The following EDC4 variants were observed in gnomAD, a reference collection of about 807,000 sequenced individuals.
EDC4 encodes the protein enhancer of mRNA decapping 4.
In EDC4, 64 loss-of-function variants were observed where a neutral mutation model predicts 155.8. The observed-to-expected ratio is 0.41, with a 90% confidence interval of 0.34 to 0.51. EDC4 has a LOEUF of 0.51. Ranked by LOEUF, EDC4 falls within the 20% of genes least tolerant of loss-of-function variation. The pLI, the probability that EDC4 is intolerant of heterozygous loss-of-function variation, is 0.19. For synonymous variants in EDC4, 684 were observed against 716.8 expected (o/e 0.95, Z 0.73); for missense variants, 1,303 against 1,812.5 (o/e 0.72, Z 5.10).
chr16:67,882,510 A>G lies in EDC4; in HGVS notation c.3358A>G (p.Ser1120Gly). Residue 1120 changes from serine (S) to glycine (G), a missense_variant, in exon 25 of 29, where the codon AGT becomes GGT. Physicochemically the swap from Ser to Gly is moderately conservative, Grantham distance 56. Coordinates refer to ENST00000358933, the MANE Select transcript of EDC4 (RefSeq NM_014329.5). This position sits in a 1 kb window ranked among gnomAD's most constrained non-coding sequence, Gnocchi z 7.2. ...GGCTGCCTACCGGGAAGCCTTCCAGAGTGTGGTGCTGCCGGCCTTTGAGAA... is the reference window on the plus strand; with the variant it reads ...GGCTGCCTACCGGGAAGCCTTCCAGGGTGTGGTGCTGCCGGCCTTTGAGAA... Reference protein sequence around the residue: ...MQAAYREAFQSVVLPAFEKSC... With the variant: ...MQAAYREAFQGVVLPAFEKSC... 8 of 1,614,186 alleles carry G rather than the reference A, an allele frequency of 5.0e-6. No individual in the cohort carries two copies. The highest frequency in any genetic ancestry group is 6.8e-6 in the Non-Finnish European group (8 of 1,180,036).
rs761091787 is a variant in EDC4 at position 67,880,859 on chromosome 16, G to A, written c.2400G>A (p.Gly800=). The change falls in exon 18 of 29, where the codon GGG becomes GGA. Residue 800 remains glycine, a synonymous_variant. Coordinates refer to ENST00000358933, the MANE Select transcript of EDC4 (RefSeq NM_014329.5). This position sits in a 1 kb window ranked among gnomAD's most constrained non-coding sequence, Gnocchi z 5.2. ...AGCTCGGGCTTGATGGAGGCCCTGG[G>A]GATGGAGATCGGCATAATACCCCCT... ...GPQLGLDGGP[G]DGDRHNTPSL... 3 of 1,613,924 alleles carry A rather than the reference G, an allele frequency of 1.9e-6. No individual in the cohort carries two copies. Among genetic ancestry groups the A allele is most frequent in the Admixed American group, 3.3e-5 (2 of 60,024 alleles).
rs2058042437 is a variant in EDC4, at chr16:67,876,582, G to A, written c.334G>A (p.Ala112Thr). Residue 112 changes from alanine (A) to threonine (T), a missense_variant, in exon 3 of 29, where the codon GCC becomes ACC. Ala to Thr is a moderately conservative substitution (Grantham distance 58). This residue lies in a region of EDC4 where 51 missense variants were observed against 121.1 expected (regional missense o/e 0.42). Coordinates refer to ENST00000358933, the MANE Select transcript of EDC4 (RefSeq NM_014329.5). The surrounding 1 kb of genome is among the most constrained non-coding windows in gnomAD (Gnocchi z 5.8). ...ASSDSSISSK[A>T]RGSNKVKIQP... ...CAGTGACTCTAGCATTTCAAGCAAG[G>A]CCCGGGGAAGCAACAAGGTAGGTAC... 1 of 1,614,086 alleles carries A rather than the reference G, an allele frequency of 6.2e-7. No individual in the cohort carries two copies. The highest frequency in any genetic ancestry group is 1.1e-5 in the South Asian group (1 of 91,072).
chr16:67,875,559 G>T (rs2058038093), intron 1 of EDC4: 1 of 192,176 alleles, frequency 5.2e-6, no homozygotes, highest in Non-Finnish European at 9.5e-6. Flanking sequence ...TGCCTCTGTA[G>T]CTTTGTTTTC....
Position 67,873,283 on chromosome 16 carries a change from G to A in EDC4, c.22G>A (p.Asp8Asn). 6.8e-7 allele frequency: 1 copy of A among 1,473,224 alleles called. No individual in the cohort carries two copies. Among genetic ancestry groups the A allele is most frequent in the South Asian group, 1.3e-5 (1 of 77,440 alleles). 91.3% of individuals were successfully genotyped at this position (1,473,224 alleles called of 1,614,324 possible). ...GCCCATGGCCTCCTGCGCGAGCATC[G>A]ACATCGAGGACGCCACGCAGCACCT... The part of the protein sequence containing the change: MASCASI[D>N]IEDATQHLRD... Residue 8 changes from aspartate to asparagine, a missense_variant, in exon 1 of 29, where the codon GAC becomes AAC. Coordinates refer to ENST00000358933, the MANE Select transcript of EDC4 (RefSeq NM_014329.5).
Position 67,884,195 on chromosome 16 carries a change from C to T in EDC4, c.*47C>T, listed in dbSNP as rs769761148. The T allele has an allele frequency of 9.2e-6, 14 of 1,523,664 alleles. No homozygotes were observed. Among genetic ancestry groups the T allele is most frequent in the South Asian group, 4.9e-5 (4 of 80,848 alleles). 94.4% of individuals were successfully genotyped at this position (1,523,664 alleles called of 1,614,324 possible). On this transcript the variant is annotated 3_prime_UTR_variant, in exon 29 of 29. Transcript: ENST00000358933. The surrounding 1 kb of genome is among the most constrained non-coding windows in gnomAD (Gnocchi z 4.1). ...GGGGTGGGATGGCACTGAAGGCCAG[C>T]AGACAGGCCTAGGCTGGGGCAGGGT...
rs199992717 is a variant in EDC4 at position 67,880,739 on chromosome 16, A to C, written c.2280A>C (p.Ala760=). ...TGTCCCGTGGTTTTGGCTCCTCTGC[A>C]CCAGAGGGCCTTGAGCCAGACAGTA... The part of the protein sequence containing the change: ...EALSRGFGSS[A]PEGLEPDSMA... Residue 760 remains alanine (A), a synonymous_variant, in exon 18 of 29, where the codon GCA becomes GCC. Transcript: ENST00000358933. This position sits in a 1 kb window ranked among gnomAD's most constrained non-coding sequence, Gnocchi z 5.2. 7.0e-5 allele frequency: 113 copies of C among 1,614,004 alleles called. No individual in the cohort carries two copies. Among genetic ancestry groups the C allele is most frequent in the African/African-American group, 1.3e-5 (1 of 74,914 alleles).
rs1381658953 is a variant in EDC4 at position 67,882,873 on chromosome 16, G to C, written c.3629+8G>C. ...GCATGTGGCTGTGGGCAGGTGTGTG[G>C]GCAGAGTACTGGGCAAGGTGGTGGG... On this transcript the variant is annotated splice_region_variant and intron_variant, in intron 26 of 28. Coordinates refer to ENST00000358933, the MANE Select transcript of EDC4 (RefSeq NM_014329.5). The surrounding 1 kb of genome is among the most constrained non-coding windows in gnomAD (Gnocchi z 7.2). The C allele has an allele frequency of 6.2e-7, 1 of 1,614,032 alleles. No homozygotes were observed. The highest frequency in any genetic ancestry group is 1.1e-5 in the South Asian group (1 of 91,092).
In EDC4 at chr16:67,883,545, A is replaced by G. The variant is rs761567162; in HGVS notation, c.3850-23A>G. 1.6e-5 allele frequency: 25 copies of G among 1,610,972 alleles called. No individual in the cohort carries two copies. In the South Asian group the frequency reaches 2.5e-4, roughly 16 times the overall value. ...TTCCATCCTGATATTTGCTATAAAC[A>G]CTGCTGCTTTTTTCTCCTCCAGGCG... is the stretch of plus-strand genomic sequence containing the variant. On this transcript the variant is annotated intron_variant, in intron 27 of 28. Coordinates refer to ENST00000358933, the MANE Select transcript of EDC4 (RefSeq NM_014329.5). The surrounding 1 kb of genome is among the most constrained non-coding windows in gnomAD (Gnocchi z 5.3).
chr16:67,883,443 C>G lies in EDC4; in HGVS notation c.3850-125C>G, dbSNP rs2058079514. ...AACTACACAGCCCTACAGGCTCTCT[C>G]TGAGTCCCTCTGGAGCTCTCACTAG... On this transcript the variant is annotated intron_variant, in intron 27 of 28. Coordinates refer to ENST00000358933, the MANE Select transcript of EDC4 (RefSeq NM_014329.5). The surrounding 1 kb of genome is among the most constrained non-coding windows in gnomAD (Gnocchi z 5.3). 2.7e-5 allele frequency: 39 copies of G among 1,446,682 alleles called. 1 individual carries two copies. The South Asian group carries it at 4.9e-4, about 18-fold the overall frequency. The allele number at this position is 1,446,682 out of a possible 1,614,324, so 89.6% of individuals were successfully genotyped here. A position where few individuals can be genotyped will look rare whatever the true frequency, so the allele number is the denominator to read the frequency against.
Position 67,884,158 on chromosome 16 carries a change from C to T in EDC4, c.*10C>T, listed in dbSNP as rs1360934198. On this transcript the variant is annotated 3_prime_UTR_variant, in exon 29 of 29. Transcript: ENST00000358933. This position sits in a 1 kb window ranked among gnomAD's most constrained non-coding sequence, Gnocchi z 4.1. ...CCCCAGCCTCCCTTAGCTGCTAAGC[C>T]TGCCTTGCCCAGGGGTGGGATGGCA... 4 of 1,597,320 alleles carry T rather than the reference C, an allele frequency of 2.5e-6. No individual in the cohort carries two copies. Among genetic ancestry groups the T allele is most frequent in the Admixed American group, 3.4e-5 (2 of 59,276 alleles).
chr16:67,876,585 C>A lies in EDC4; in HGVS notation c.337C>A (p.Arg113=). The change falls in exon 3 of 29, where the codon CGG becomes AGG. Residue 113 remains arginine (R), a synonymous_variant. Coordinates refer to ENST00000358933, the MANE Select transcript of EDC4 (RefSeq NM_014329.5). This position sits in a 1 kb window ranked among gnomAD's most constrained non-coding sequence, Gnocchi z 5.8. ...SSDSSISSKA[R]GSNKVKIQPV... ...TGACTCTAGCATTTCAAGCAAGGCCCGGGGAAGCAACAAGGTAGGTACTGG... is the reference window on the plus strand; with the variant it reads ...TGACTCTAGCATTTCAAGCAAGGCCAGGGGAAGCAACAAGGTAGGTACTGG... 6 of 1,614,034 alleles carry A rather than the reference C, an allele frequency of 3.7e-6. No homozygotes were observed. In the South Asian group the frequency reaches 6.6e-5, roughly 18 times the overall value.
chr16:67,873,207 T>A lies in EDC4; in HGVS notation c.-55T>A. On this transcript the variant is annotated 5_prime_UTR_variant, in exon 1 of 29. Coordinates refer to ENST00000358933, the MANE Select transcript of EDC4 (RefSeq NM_014329.5). The stretch of plus-strand genomic sequence containing the variant: ...GTGGCGGGTGAGCGAGGGTGCGTGG[T>A]GCGCGGCGGCGGCGGAACGAACGCG... 7.7e-7 allele frequency: 1 copy of A among 1,296,150 alleles called. No homozygotes were observed. The highest frequency in any genetic ancestry group is 1.0e-6 in the Non-Finnish European group (1 of 1,004,256). The allele number at this position is 1,296,150 out of a possible 1,614,324, so 80.3% of individuals were successfully genotyped here. A position where few individuals can be genotyped will look rare whatever the true frequency, so the allele number is the denominator to read the frequency against.
At position 67,882,815 on chromosome 16, in the gene EDC4, C is replaced by A. The variant is rs377063317; in HGVS notation, c.3579C>A (p.Ala1193=). 3 of 1,614,110 alleles carry A rather than the reference C, an allele frequency of 1.9e-6. No individual in the cohort carries two copies. Among genetic ancestry groups the A allele is most frequent in the Non-Finnish European group, 1.7e-6 (2 of 1,180,026 alleles). ...SATEQMAATV[A]GSVRAEVQHQ... ...CTGAGCAGATGGCAGCCACCGTGGC[C>A]GGCAGTGTTCGTGCTGAGGTGCAGC... The change falls in exon 26 of 29, where the codon GCC becomes GCA. Residue 1193 remains alanine, a synonymous_variant. Transcript: ENST00000358933. The surrounding 1 kb of genome is among the most constrained non-coding windows in gnomAD (Gnocchi z 7.2).
chr16:67,874,386 G>A (rs2058033809), intron 1 of EDC4, among the ~76,000 whole-genome samples: 1 of 152,156 alleles, frequency 6.6e-6, no homozygotes, highest in African/African-American at 2.4e-5. Flanking sequence ...GCTCACTAGG[G>A]GTGGATTCAA....
At position 67,879,265 on chromosome 16, in the gene EDC4, G is replaced by A. The variant is rs2058054408; in HGVS notation, c.1497G>A (p.Glu499=). 4 of 1,614,202 alleles carry A rather than the reference G, an allele frequency of 2.5e-6. No homozygotes were observed. Among genetic ancestry groups the A allele is most frequent in the South Asian group, 1.1e-5 (1 of 91,086 alleles). ...GTACCCATGGAGCCGGTGCCATGGA[G>A]TCTGCGGCCGGTGTGCTCATCAAGC... ...ADGTHGAGAM[E]SAAGVLIKLF... The change falls in exon 13 of 29, where the codon GAG becomes GAA. Residue 499 remains glutamate, a synonymous_variant. Transcript: ENST00000358933. The surrounding 1 kb of genome is among the most constrained non-coding windows in gnomAD (Gnocchi z 6.0).
At position 67,876,503 on chromosome 16, in the gene EDC4, T is replaced by C; in HGVS notation, c.255T>C (p.Asp85=). The C allele has an allele frequency of 6.2e-7, 1 of 1,614,012 alleles. No individual in the cohort carries two copies. Among genetic ancestry groups the C allele is most frequent in the South Asian group, 1.1e-5 (1 of 91,072 alleles). The part of the protein sequence containing the change: ...QEKQVICLSG[D]DSSTCIGILA... ...TTCCCCACAGCTGTCTCTCAGGAGA[T>C]GATAGCTCCACCTGCATTGGGATTT... Residue 85 remains aspartate, a synonymous_variant, in exon 3 of 29, where the codon GAT becomes GAC. Transcript: ENST00000358933. This position sits in a 1 kb window ranked among gnomAD's most constrained non-coding sequence, Gnocchi z 5.8.
chr16:67,878,170 T>G lies in EDC4; in HGVS notation c.899T>G (p.Leu300Arg). 2 of 1,614,144 alleles carry G rather than the reference T, an allele frequency of 1.2e-6. No homozygotes were observed. Among genetic ancestry groups the G allele is most frequent in the Non-Finnish European group, 1.7e-6 (2 of 1,180,018 alleles). Residue 300 changes from leucine to arginine, a missense_variant, in exon 8 of 29, where the codon CTC (leucine) becomes CGC (arginine). Around this residue, in one of 5 missense-constraint regions of EDC4, gnomAD observed 235 missense variants for 367.7 expected, o/e 0.64. Transcript: ENST00000358933. The surrounding 1 kb of genome is among the most constrained non-coding windows in gnomAD (Gnocchi z 5.2). ...FIVVKGHSTC[L>R]SEGALSPDGT... The stretch of plus-strand genomic sequence containing the variant: ...AGCTTTTTGGGTTCTTTCTAGTGCC[T>G]CAGTGAAGGAGCCCTCTCTCCTGAT...
In EDC4 at chr16:67,878,715, A is replaced by C; in HGVS notation, c.1185-22A>C. ...CTTCCTTCAGTTCTCAGGCTCATTC[A>C]CTCTGCTTTGTGGCTCTCTAGCTTC... On this transcript the variant is annotated intron_variant, in intron 10 of 28. Coordinates refer to ENST00000358933, the MANE Select transcript of EDC4 (RefSeq NM_014329.5). This position sits in a 1 kb window ranked among gnomAD's most constrained non-coding sequence, Gnocchi z 5.2. The C allele has an allele frequency of 6.2e-7, 1 of 1,613,938 alleles. No homozygotes were observed. Among genetic ancestry groups the C allele is most frequent in the Non-Finnish European group, 8.5e-7 (1 of 1,179,978 alleles).
rs536861194 is a variant in EDC4 at position 67,873,397 on chromosome 16, G to T, written c.82+54G>T. 2,899 of 1,345,676 alleles carry T rather than the reference G, an allele frequency of 2.2e-3. 3 individuals are homozygous for T. Among genetic ancestry groups the T allele is most frequent in the Non-Finnish European group, 2.6e-3 (2,663 of 1,032,442 alleles). The allele number at this position is 1,345,676 out of a possible 1,614,324, so 83.4% of individuals were successfully genotyped here. ...AGGCGAGCTGACAAAAGGGCGGCGC[G>T]CGTCTGAACCGCCATTGGGGCCCAC... On this transcript the variant is annotated intron_variant, in intron 1 of 28. Transcript: ENST00000358933.
Sources: allele counts gnomAD v4.1 joint callset (sites outside exome capture counted in the v4.1 genomes callset), GRCh38; gene constraint gnomAD v4.1.1; regional missense constraint gnomAD v4.1.1; non-coding constraint Gnocchi (gnomAD v3.1); transcripts MANE v1.5; gene names NCBI Gene and HGNC (gene_info 2026-07-23, HGNC 2026-07-21).